Variants in ENAH observed in about 807,000 individuals in gnomAD.
The protein encoded by ENAH is ENAH actin regulator.
A neutral mutation model predicts 78.7 loss-of-function variants in ENAH; 23 were observed. The observed-to-expected ratio is 0.29, with a 90% CI of 0.21 to 0.41. The LOEUF is 0.41. Ranked by LOEUF, ENAH falls within the 10% of genes least tolerant of loss-of-function variation. The pLI is 1.00. For synonymous variants in ENAH, 226 were observed against 241.0 expected (o/e 0.94, Z 0.58); for missense variants, 544 against 691.0 (o/e 0.79, Z 2.39).
intron 1 of ENAH, among the ~76,000 whole-genome samples, chr1:225,643,392 A>C (rs1357154185): frequency 6.6e-6 from 1 of 151,700 alleles, no homozygotes; most frequent in Non-Finnish European, 1.5e-5. Context: ...TAAAGAAACA[A>C]AAAATAAAAA....
intron 3 of ENAH, among the ~76,000 whole-genome samples, chr1:225,537,729 T>C (rs1001590476): frequency 1.3e-5 from 2 of 152,104 alleles, no homozygotes; most frequent in Non-Finnish European, 2.9e-5. Context: ...TGACTTTTTT[T>C]TTTTTTTCAC....
At chr1:225,526,152 T>G (rs1427745221) in intron 4 of ENAH, among the ~76,000 whole-genome samples, 1 of 152,182 alleles carries the variant, frequency 6.6e-6, no homozygotes, top group Non-Finnish European at 1.5e-5. Context: ...ATTCAATTTC[T>G]TCACGTTTTT....
At chr1:225,621,508 G>A (rs2148259789) in intron 1 of ENAH, among the ~76,000 whole-genome samples, 2 of 151,764 alleles carry the variant, frequency 1.3e-5, no homozygotes, top group East Asian at 3.9e-4. Flanking sequence ...TAGCCGGGAT[G>A]GTCTCGATCT....
chr1:225,541,360 G>A (rs967956053), intron 3 of ENAH, among the ~76,000 whole-genome samples: 4 of 152,020 alleles, frequency 2.6e-5, no homozygotes, highest in Non-Finnish European at 4.4e-5. Context: ...GCTTGAACCC[G>A]GGAGGCGGAG....
chr1:225,614,060 GA>G (rs1393900590), intron 1 of ENAH, among the ~76,000 whole-genome samples: 123 of 150,970 alleles, frequency 8.1e-4, no homozygotes, highest in African/African-American at 2.7e-3. Flanking sequence ...TTATTAGAAA[GA>G]TTTTTTTTTT....
At chr1:225,498,447 A>G (rs1417926686) in intron 12 of ENAH, 43 bp from the exon 13 acceptor site, 3 of 1,211,466 alleles carry the variant, frequency 2.5e-6, no homozygotes, top group Admixed American at 4.3e-5. Context: ...GAACAAAATT[A>G]CCACTAAAGA....
chr1:225,568,416 G>A (rs1048800339), intron 1 of ENAH, among the ~76,000 whole-genome samples: 3 of 152,020 alleles, frequency 2.0e-5, no homozygotes, highest in African/African-American at 7.3e-5. Flanking sequence ...TAAGCAATGG[G>A]TTCATCTTTC....
upstream of ENAH, among the ~76,000 whole-genome samples, chr1:225,653,631 C>G (rs1015485725): frequency 6.6e-6 from 1 of 151,966 alleles, no homozygotes; most frequent in African/African-American, 2.4e-5. This position sits in a 1 kb window ranked among gnomAD's most constrained non-coding sequence, Gnocchi z 4.3. Flanking sequence ...GGACGCGTGA[C>G]TGGGCACAGG....
chr1:225,561,626 A>AAAATG (rs1413252249), intron 2 of ENAH, among the ~76,000 whole-genome samples: 3 of 150,866 alleles, frequency 2.0e-5, no homozygotes, highest in Non-Finnish European at 4.4e-5. Flanking sequence ...GTCTTAAAAT[A>AAAATG]AAATAAAATA....
chr1:225,524,659 A>G lies in ENAH; in HGVS notation c.435-5094T>C, dbSNP rs56202254. On this transcript the variant is annotated intron_variant, in intron 4 of 13. Transcript: ENST00000366843. ...CCGAAGGCCAATAGGAGGGCTATAC[A>G]CTCTCATTGTTCCAACATTGTTCCA... 2,337 of 944,704 alleles carry G rather than the reference A, an allele frequency of 2.5e-3. 50 individuals carry two copies. In the African/African-American group the frequency reaches 0.048, roughly 19 times the overall value. 58.5% of individuals were successfully genotyped at this position (944,704 alleles called of 1,614,324 possible).
chr1:225,580,912 CAAAAAA>C (rs78529288), intron 1 of ENAH, among the ~76,000 whole-genome samples: 4 of 63,914 alleles, frequency 6.3e-5, no homozygotes, highest in African/African-American at 2.2e-4. Flanking sequence ...AGAAAAAAAC[CAAAAAA>C]AAAAAAAAAA....
At chr1:225,539,662 C>T (rs1225140956) in intron 3 of ENAH, among the ~76,000 whole-genome samples, 2 of 152,216 alleles carry the variant, frequency 1.3e-5, no homozygotes, top group Admixed American at 6.5e-5. Context: ...GTGCTTGCCC[C>T]CCATGATGTG....
intron 3 of ENAH, among the ~76,000 whole-genome samples, chr1:225,554,439 C>A (rs1396676431): frequency 6.6e-6 from 1 of 152,048 alleles, no homozygotes; most frequent in East Asian, 1.9e-4. Flanking sequence ...TTTAAAAAAA[C>A]CGAGAATCAC....
chr1:225,569,668 A>G (rs2096751317), intron 1 of ENAH, among the ~76,000 whole-genome samples: 1 of 152,212 alleles, frequency 6.6e-6, no homozygotes, highest in Non-Finnish European at 1.5e-5. Context: ...CCAAATGAAC[A>G]TATCCAAGTA....
At chr1:225,510,575 T>C (rs1355300479) in intron 10 of ENAH, among the ~76,000 whole-genome samples, 1 of 151,554 alleles carries the variant, frequency 6.6e-6, no homozygotes, top group Non-Finnish European at 1.5e-5. Flanking sequence ...AACAAAGCCA[T>C]GATGTTAATT....
intron 6 of ENAH, chr1:225,515,156 C>CTT: frequency 1.9e-5 from 7 of 368,670 alleles, no homozygotes; most frequent in Non-Finnish European, 2.9e-5. Context: ...CTAATTAAGA[C>CTT]TTTTTTTTTT....
At chr1:225,590,831 G>A (rs531462604) in intron 1 of ENAH, among the ~76,000 whole-genome samples, 4 of 152,020 alleles carry the variant, frequency 2.6e-5, no homozygotes, top group South Asian at 2.1e-4. Context: ...CCTTTCTACC[G>A]CCAGCCTCTC....
intron 3 of ENAH, among the ~76,000 whole-genome samples, chr1:225,539,039 C>A (rs1202659779): frequency 6.6e-6 from 1 of 152,200 alleles, no homozygotes; most frequent in Non-Finnish European, 1.5e-5. Flanking sequence ...GAGAAACCAC[C>A]ACATTCTGGC....
At chr1:225,623,946 G>C (rs1657477660) in intron 1 of ENAH, among the ~76,000 whole-genome samples, 1 of 152,088 alleles carries the variant, frequency 6.6e-6, no homozygotes, top group African/African-American at 2.4e-5. Flanking sequence ...GGAATCCCCA[G>C]TGTTTATTGT....
Sources: gnomAD v4.1 joint callset for allele counts (sites outside exome capture counted in the v4.1 genomes callset) on GRCh38, gnomAD v4.1.1 for gene constraint, Gnocchi (gnomAD v3.1) non-coding constraint, MANE v1.5 for transcripts, NCBI Gene and HGNC (gene_info 2026-07-23, HGNC 2026-07-21) for gene names.